The following PFKFB3 variants were observed in gnomAD, a reference collection of about 807,000 sequenced individuals.
PFKFB3 encodes 6-phosphofructo-2-kinase/fructose-2,6-bisphosphatase 3.
In PFKFB3, 33 loss-of-function variants were observed where a neutral mutation model predicts 68.0. The ratio of observed to expected loss-of-function variants is 0.49; its 90% CI spans 0.37 to 0.65. The LOEUF (loss-of-function observed/expected upper bound fraction) is 0.65, where lower values mean the gene tolerates loss of function less well. PFKFB3 is among the 30% of genes least tolerant of loss of function. The probability of loss-of-function intolerance (pLI) is 0.00; values close to 1 mark genes in which losing one functional copy is unlikely to be tolerated. For synonymous variants in PFKFB3, 315 were observed against 288.2 expected, an observed-to-expected ratio of 1.09 and a Z score of -0.94; for missense variants, 586 against 712.2, an observed-to-expected ratio of 0.82 and a Z score of 2.02.
downstream of PFKFB3, among the ~76,000 whole-genome samples, chr10:6,255,470 A>T (rs1367024583): frequency 1.3e-5 from 2 of 152,222 alleles, no homozygotes; most frequent in African/African-American, 4.8e-5. Context: ...GCAAAATTTA[A>T]TACATTTGTT....
intron 1 of PFKFB3, chr10:6,164,138 C>A (rs1842054503): frequency 6.6e-6 from 1 of 152,268 alleles, no homozygotes; most frequent in Non-Finnish European, 1.5e-5. Flanking sequence ...AGCCCGTTTC[C>A]CTGTGGGTTG....
Position 6,220,609 on chromosome 10 carries a change from G to T in PFKFB3, c.624-49G>T. 6.4e-7 allele frequency: 1 copy of T among 1,555,368 alleles called. No individual in the cohort carries two copies. The highest frequency in any genetic ancestry group is 8.9e-7 in the Non-Finnish European group (1 of 1,129,044). ...TTCGGAGACGGGCCAGGTGCATCCTGCTGTGGGTGGTGGCCTGAGCTGTGG... is the reference window on the plus strand; with the variant it reads ...TTCGGAGACGGGCCAGGTGCATCCTTCTGTGGGTGGTGGCCTGAGCTGTGG... On this transcript the variant is annotated intron_variant, in intron 7 of 14. Transcript: ENST00000379775. This position sits in a 1 kb window ranked among gnomAD's most constrained non-coding sequence, Gnocchi z 4.1.
At chr10:6,280,321 G>A in the PFKFB3 span, among the ~76,000 whole-genome samples, 4 of 152,306 alleles carry the variant, frequency 2.6e-5, no homozygotes, top group East Asian at 1.9e-4. Flanking sequence ...GGCGGATAGC[G>A]CCTTGATGGT....
the PFKFB3 span, among the ~76,000 whole-genome samples, chr10:6,279,832 C>A: frequency 1.3e-5 from 2 of 152,172 alleles, no homozygotes; most frequent in Non-Finnish European, 2.9e-5. Context: ...CACTCCTATG[C>A]GGAAGGTGCT....
chr10:6,321,040 C>T, the PFKFB3 span, among the ~76,000 whole-genome samples: 209 of 152,286 alleles, frequency 1.4e-3, no homozygotes, highest in African/African-American at 3.2e-3. Context: ...AGTTCTCCAA[C>T]TCATAAGGGA....
intron 1 of PFKFB3, among the ~76,000 whole-genome samples, chr10:6,152,631 A>G (rs1841629874): frequency 6.6e-6 from 1 of 152,196 alleles, no homozygotes; most frequent in African/African-American, 2.4e-5. Context: ...AGCCCCAGCT[A>G]CTTGGGAGGC....
rs1242169418 is a variant in PFKFB3, at chr10:6,154,897, C to A, written c.16+9884C>A. 6.6e-6 allele frequency among the ~76,000 whole-genome samples: 1 copy of A among 152,186 alleles called. No individual in the cohort carries two copies. Among genetic ancestry groups the A allele is most frequent in the African/African-American group, 2.4e-5 (1 of 41,438 alleles). On this transcript the variant is annotated intron_variant, in intron 1 of 14. Coordinates refer to the PFKFB3 transcript ENST00000379789. This position sits in a 1 kb window ranked among gnomAD's most constrained non-coding sequence, Gnocchi z 4.6. ...AGCCCGCACTGCCACAGCAGCTGCA[C>A]CTCCTCTAGGCCCTGTCCTTGGTAG...
intron 13 of PFKFB3, chr10:6,225,076 G>T (rs1845245415): frequency 2.2e-6 from 1 of 454,844 alleles, no homozygotes; most frequent in South Asian, 1.6e-5. Flanking sequence ...TTGGAGGTGG[G>T]CCAGGCTGCC....
At chr10:6,318,174 G>A in the PFKFB3 span, among the ~76,000 whole-genome samples, 35 of 152,162 alleles carry the variant, frequency 2.3e-4, 1 homozygote, top group Non-Finnish European at 4.0e-4. Flanking sequence ...GAAGGCATGG[G>A]TGCAGGGCTC....
chr10:6,255,175 A>G (rs921194433), downstream of PFKFB3, among the ~76,000 whole-genome samples: 2 of 147,960 alleles, frequency 1.4e-5, no homozygotes, highest in Non-Finnish European at 3.0e-5. Flanking sequence ...CCCAGGCTGG[A>G]GTGCAGTGGC....
the PFKFB3 span, among the ~76,000 whole-genome samples, chr10:6,272,746 T>C: frequency 6.6e-6 from 1 of 152,002 alleles, no homozygotes; most frequent in East Asian, 1.9e-4. Flanking sequence ...GCGCTGTGCT[T>C]TCATGAGTTT....
chr10:6,252,002 G>C (rs1030375624), intron 14 of PFKFB3, among the ~76,000 whole-genome samples: 4 of 151,908 alleles, frequency 2.6e-5, no homozygotes, highest in African/African-American at 7.3e-5. Flanking sequence ...TAAAATAAAG[G>C]CCTTATGAGA....
chr10:6,233,273 G>T lies in PFKFB3; in HGVS notation c.*331G>T, dbSNP rs554887905. 19 of 272,516 alleles carry T rather than the reference G, an allele frequency of 7.0e-5. No individual in the cohort carries two copies. Among genetic ancestry groups the T allele is most frequent in the African/African-American group, 3.7e-4 (17 of 45,698 alleles). The allele number at this position is 272,516 out of a possible 1,614,324, so 16.9% of individuals were successfully genotyped here. On this transcript the variant is annotated 3_prime_UTR_variant, in exon 15 of 15. Coordinates refer to ENST00000379775, the MANE Select transcript of PFKFB3 (RefSeq NM_004566.4). ...CTGGTCCTGACAGGAGGCCGCTGGG[G>T]ACACTGTGCTGTTTTGTTTCGTTTC...
chr10:6,184,659 CG>C (rs1257468091), intron 1 of PFKFB3, among the ~76,000 whole-genome samples: 1 of 151,150 alleles, frequency 6.6e-6, no homozygotes, highest in African/African-American at 2.4e-5. Flanking sequence ...TCAGTAGAGA[CG>C]GGGGTTTTAC....
intron 1 of PFKFB3, chr10:6,146,277 T>C: frequency 2.7e-6 from 4 of 1,485,278 alleles, no homozygotes; most frequent in Non-Finnish European, 3.6e-6. Flanking sequence ...CTGGAGGCTG[T>C]ACCGGACTTG....
the PFKFB3 span, among the ~76,000 whole-genome samples, chr10:6,306,921 G>C: frequency 3.9e-5 from 6 of 152,224 alleles, no homozygotes; most frequent in Non-Finnish European, 8.8e-5. Flanking sequence ...AATGTGCCCA[G>C]ATATTTGGTT....
At chr10:6,295,929 T>C in the PFKFB3 span, among the ~76,000 whole-genome samples, 3 of 152,170 alleles carry the variant, frequency 2.0e-5, no homozygotes, top group Admixed American at 1.3e-4. Flanking sequence ...AGCTTTCAAT[T>C]CTCAAGCTAG....
At chr10:6,323,076 T>C in the PFKFB3 span, among the ~76,000 whole-genome samples, 1 of 152,244 alleles carries the variant, frequency 6.6e-6, no homozygotes, top group Non-Finnish European at 1.5e-5. Flanking sequence ...TCATTCATCA[T>C]GACCTCGGAG....
At chr10:6,295,887 G>A in the PFKFB3 span, among the ~76,000 whole-genome samples, 277 of 152,268 alleles carry the variant, frequency 1.8e-3, 1 homozygote, top group African/African-American at 6.1e-3. Context: ...TCACACAAGC[G>A]TGGGCACCTC....
Sources: gnomAD v4.1 joint callset for allele counts (sites outside exome capture counted in the v4.1 genomes callset) on GRCh38, gnomAD v4.1.1 for gene constraint, Gnocchi (gnomAD v3.1) non-coding constraint, MANE v1.5 for transcripts, NCBI Gene and HGNC (gene_info 2026-07-23, HGNC 2026-07-21) for gene names.